The following CIB4 variants were observed in gnomAD, a reference collection of about 807,000 sequenced individuals.
The protein encoded by CIB4 is calcium and integrin-binding family member 4.
In CIB4, 25 loss-of-function variants were observed where a neutral mutation model predicts 25.8. The ratio of observed to expected loss-of-function variants is 0.97; its 90% CI spans 0.71 to 1.35. CIB4 has a LOEUF of 1.35. Among genes scored for constraint, CIB4 ranks in the 40% most tolerant of loss-of-function variants. The pLI is 0.00. For missense variants in CIB4, 235 were observed against 228.2 expected (o/e 1.03, Z -0.19); for synonymous variants, 75 against 81.4 (o/e 0.92, Z 0.42).
rs143429829 is a variant in CIB4, at chr2:26,629,473, A to G, written c.123T>C (p.Pro41=). Residue 41 remains proline (P), a synonymous_variant, in exon 3 of 7, where the codon CCT becomes CCC. Transcript: ENST00000288861. ...IHDTFLKLCP[P]GKYYKEATLT... ...GCGTTGCCTCCTTGTAGTACTTCCC[A>G]GGAGGGCAGAGCTTCAGGAAGGTGT... 5.7e-6 allele frequency: 9 copies of G among 1,579,160 alleles called. No homozygotes were observed. The highest frequency in any genetic ancestry group is 2.7e-5 in the African/African-American group (2 of 74,492).
At chr2:26,588,111 C>T (rs557546255) in intron 4 of CIB4, among the ~76,000 whole-genome samples, 27 of 152,328 alleles carry the variant, frequency 1.8e-4, no homozygotes, top group African/African-American at 5.8e-4. Context: ...GTGAAGGGGG[C>T]GAAGGGACCA....
chr2:26,635,970 C>T (rs1374792777), intron 2 of CIB4, among the ~76,000 whole-genome samples: 2 of 152,204 alleles, frequency 1.3e-5, no homozygotes, highest in South Asian at 2.1e-4. Context: ...CCATACCCCA[C>T]ACCACCTCTC....
At chr2:26,640,348 G>A (rs540424206) in intron 2 of CIB4, among the ~76,000 whole-genome samples, 185 bp downstream of exon 2, 2 of 152,364 alleles carry the variant, frequency 1.3e-5, no homozygotes, top group South Asian at 2.1e-4. Context: ...GCTCCAGTGG[G>A]GCTCTGCGGA....
chr2:26,629,980 G>C (rs1003860492), intron 2 of CIB4, among the ~76,000 whole-genome samples: 1 of 152,204 alleles, frequency 6.6e-6, no homozygotes, highest in African/African-American at 2.4e-5. Flanking sequence ...GTCTGAGTGA[G>C]CCGGGATTAG....
Position 26,581,318 on chromosome 2 carries a change from C to T in CIB4, c.*45G>A, listed in dbSNP as rs769660493. The T allele has an allele frequency of 7.8e-5, 122 of 1,573,654 alleles. No homozygotes were observed. Among genetic ancestry groups the T allele is most frequent in the Non-Finnish European group, 1.0e-4 (118 of 1,143,444 alleles). On this transcript the variant is annotated 3_prime_UTR_variant, in exon 7 of 7. Coordinates refer to ENST00000288861, the MANE Select transcript of CIB4 (RefSeq NM_001029881.3). Reference sequence around the variant, plus strand: ...TCCAGTGCTGGAGGGGGTTCGATTCCTGTGGTCTCCCTCGAGGCTGCCATG... The same window carrying T: ...TCCAGTGCTGGAGGGGGTTCGATTCTTGTGGTCTCCCTCGAGGCTGCCATG...
chr2:26,592,234 C>T (rs1013020697), intron 4 of CIB4, among the ~76,000 whole-genome samples: 3 of 152,202 alleles, frequency 2.0e-5, no homozygotes, highest in Admixed American at 6.5e-5. Flanking sequence ...CCCAGAGGAG[C>T]GACCCCAGCC....
At chr2:26,636,604 G>A (rs1050756937) in intron 2 of CIB4, among the ~76,000 whole-genome samples, 4 of 151,994 alleles carry the variant, frequency 2.6e-5, no homozygotes, top group Admixed American at 6.6e-5. Context: ...TTGTTTCCCC[G>A]ATCCTGGGTC....
chr2:26,589,359 T>C (rs959895638), intron 4 of CIB4, among the ~76,000 whole-genome samples: 2 of 151,794 alleles, frequency 1.3e-5, no homozygotes, highest in East Asian at 3.9e-4. Flanking sequence ...CTCACTCTTC[T>C]TCCCCAGGCT....
At chr2:26,613,443 C>A (rs1372813586) in intron 3 of CIB4, among the ~76,000 whole-genome samples, 2 of 152,196 alleles carry the variant, frequency 1.3e-5, no homozygotes, top group Non-Finnish European at 2.9e-5. Context: ...CACATAAAGA[C>A]TCCCCAGGTG....
At chr2:26,624,529 G>A (rs997613914) in intron 3 of CIB4, among the ~76,000 whole-genome samples, 1 of 152,138 alleles carries the variant, frequency 6.6e-6, no homozygotes, top group Admixed American at 6.5e-5. Flanking sequence ...AAAAGGGGGT[G>A]TGTCTGAAAA....
At chr2:26,638,769 A>C (rs1272155633) in intron 2 of CIB4, among the ~76,000 whole-genome samples, 1 of 152,198 alleles carries the variant, frequency 6.6e-6, no homozygotes, top group Non-Finnish European at 1.5e-5. Context: ...CCTGGCCAAC[A>C]TGGTGAAACC....
At position 26,593,947 on chromosome 2, in the gene CIB4, C is replaced by T. The variant is rs550577897; in HGVS notation, c.328+1229G>A. 3.3e-5 allele frequency among the ~76,000 whole-genome samples: 5 copies of T among 152,300 alleles called. 1 individual carries two copies. The South Asian group carries it at 6.2e-4, about 19-fold the overall frequency. On this transcript the variant is annotated intron_variant, in intron 4 of 6. Transcript: ENST00000288861. ...TAGGCTCTCCCTCACTTTGTAGGGG[C>T]TGTGTGTGCCCCAAACTCTCTGGCT...
chr2:26,607,228 A>G (rs1050138783), intron 3 of CIB4, among the ~76,000 whole-genome samples: 2 of 152,360 alleles, frequency 1.3e-5, no homozygotes, highest in Non-Finnish European at 1.5e-5. Context: ...CTAAAAAGTT[A>G]GTATAATGAC....
intron 4 of CIB4, among the ~76,000 whole-genome samples, chr2:26,588,978 T>TTTC (rs879474454): frequency 0.02 from 1,373 of 69,732 alleles, 52 homozygotes; most frequent in East Asian, 0.032. Context: ...CCGCTTCTTC[T>TTTC]TTCTTCTTCT....
chr2:26,638,498 A>G (rs186553894), intron 2 of CIB4, among the ~76,000 whole-genome samples: 1 of 152,192 alleles, frequency 6.6e-6, no homozygotes, highest in East Asian at 1.9e-4. Context: ...CCACCACCCC[A>G]TGCTCTCTCC....
intron 4 of CIB4, among the ~76,000 whole-genome samples, chr2:26,586,852 G>C (rs1297086818): frequency 1.3e-5 from 2 of 152,220 alleles, no homozygotes; most frequent in Non-Finnish European, 2.9e-5. Flanking sequence ...GGCCGATGAA[G>C]TGTAAGCAGA....
chr2:26,634,798 A>G (rs183208109), intron 2 of CIB4, among the ~76,000 whole-genome samples: 6 of 152,294 alleles, frequency 3.9e-5, no homozygotes, highest in Admixed American at 2.6e-4. Context: ...GAAAGGCCCC[A>G]TGGCTGGGTC....
intron 3 of CIB4, among the ~76,000 whole-genome samples, chr2:26,615,122 CA>C (rs1245956822): frequency 6.6e-6 from 1 of 152,184 alleles, no homozygotes; most frequent in Non-Finnish European, 1.5e-5. Context: ...GGAGGTCACT[CA>C]GGTACCCAGT....
intron 2 of CIB4, among the ~76,000 whole-genome samples, chr2:26,633,593 T>C (rs930517165): frequency 1.7e-4 from 26 of 152,166 alleles, no homozygotes; most frequent in Admixed American, 1.5e-3. Context: ...GGGCTGCCCA[T>C]AGATGAATCG....
Sources: gnomAD v4.1 joint callset for allele counts (sites outside exome capture counted in the v4.1 genomes callset) on GRCh38, gnomAD v4.1.1 for gene constraint, MANE v1.5 for transcripts, NCBI Gene and HGNC (gene_info 2026-07-23, HGNC 2026-07-21) for gene names.